KCNK10: variants seen among roughly 807,000 people sequenced by gnomAD.
KCNK10 encodes the protein potassium two pore domain channel subfamily K member 10, also known as potassium channel subfamily K member 10.
A neutral mutation model predicts 47.7 loss-of-function variants in KCNK10; 25 were observed. The observed-to-expected ratio is 0.52, with a 90% CI of 0.38 to 0.73. The LOEUF (loss-of-function observed/expected upper bound fraction) is 0.73. KCNK10 is among the 30% of genes least tolerant of loss of function. The pLI is 0.00. For missense variants in KCNK10, 563 were observed against 714.5 expected (o/e 0.79, Z 2.42); for synonymous variants, 303 against 285.6 (o/e 1.06, Z -0.61).
At chr14:88,269,902 G>A (rs1334619846) in intron 1 of KCNK10, among the ~76,000 whole-genome samples, 1 of 152,110 alleles carries the variant, frequency 6.6e-6, no homozygotes, top group African/African-American at 2.4e-5. Context: ...CACTTAACCC[G>A]AGTGCCTCCA....
In KCNK10 at chr14:88,182,426, C is replaced by T. The variant is rs556801232; in HGVS notation, c.*3109G>A. The T allele has an allele frequency of 6.6e-6, 1 of 152,410 alleles. No homozygotes were observed. The highest frequency in any genetic ancestry group is 2.1e-4 in the South Asian group (1 of 4,830). 9.4% of individuals were successfully genotyped at this position (152,410 alleles called of 1,614,324 possible). On this transcript the variant is annotated 3_prime_UTR_variant, in exon 7 of 7. Transcript: ENST00000319231. ...GTGTATTCTACATGCCATTTGGCCC[C>T]ATCTAAAAAAGGTAACATTCAAGTA...
At chr14:88,282,986 A>G (rs898911631) in intron 1 of KCNK10, among the ~76,000 whole-genome samples, 8 of 152,326 alleles carry the variant, frequency 5.3e-5, no homozygotes, top group African/African-American at 1.9e-4. Flanking sequence ...CACTATGTCA[A>G]ACTGTGGTCT....
chr14:88,233,342 C>A (rs926862573), intron 3 of KCNK10, among the ~76,000 whole-genome samples: 1 of 152,176 alleles, frequency 6.6e-6, no homozygotes, highest in Non-Finnish European at 1.5e-5. Context: ...TGCCTTAGGC[C>A]TGTCTCTTTC....
intron 3 of KCNK10, among the ~76,000 whole-genome samples, chr14:88,230,611 C>T (rs181951677): frequency 1.4e-4 from 22 of 152,218 alleles, no homozygotes; most frequent in East Asian, 1.2e-3. Flanking sequence ...AGTCTGTCTG[C>T]GCAGGCAGGG....
Position 88,309,581 on chromosome 14 carries a change from G to A in KCNK10, c.52+13166C>T, listed in dbSNP as rs1024111221. 9.2e-5 allele frequency among the ~76,000 whole-genome samples: 14 copies of A among 152,234 alleles called. No individual in the cohort carries two copies. The East Asian group carries it at 1.2e-3, about 13-fold the overall frequency. On this transcript the variant is annotated intron_variant, in intron 1 of 6. Transcript: ENST00000319231. ...TGCACCGCTGCACTCCAGCTCGGGC[G>A]ACAAATCAAGATCTTGTCTCAAAAA...
chr14:88,244,935 A>C (rs1421270335), intron 2 of KCNK10, among the ~76,000 whole-genome samples: 1 of 152,258 alleles, frequency 6.6e-6, no homozygotes, highest in Non-Finnish European at 1.5e-5. Flanking sequence ...CAGATAATTC[A>C]ATAGAGGTAG....
intron 3 of KCNK10, among the ~76,000 whole-genome samples, chr14:88,230,511 G>C (rs1886130880): frequency 6.6e-6 from 1 of 152,246 alleles, no homozygotes; most frequent in Non-Finnish European, 1.5e-5. Flanking sequence ...TCCACTTGCT[G>C]TTTACGTGCC....
rs771760885 is a variant in KCNK10, at chr14:88,185,594, G to T, written c.1573C>A (p.Pro525Thr). ...GGCTCCCGGTCTTTGGTGTCCGTGG[G>T]TATCATTCCGTTCTCCAACTCAGCG... The part of the protein sequence containing the change: ...QHAELENGMI[P>T]TDTKDREPEN... The change falls in exon 7 of 7, where the codon CCC (proline) becomes ACC (threonine). Residue 525 changes from proline to threonine, a missense_variant. Transcript: ENST00000319231. The surrounding 1 kb of genome is among the most constrained non-coding windows in gnomAD (Gnocchi z 4.3). The T allele has an allele frequency of 1.2e-6, 2 of 1,614,114 alleles. No individual in the cohort carries two copies. The highest frequency in any genetic ancestry group is 8.5e-7 in the Non-Finnish European group (1 of 1,180,028).
intron 1 of KCNK10, among the ~76,000 whole-genome samples, chr14:88,297,923 T>C (rs1298173871): frequency 6.6e-6 from 1 of 152,202 alleles, no homozygotes; most frequent in Non-Finnish European, 1.5e-5. Flanking sequence ...CTTCTCTTCG[T>C]TCTGCAGTGG....
At chr14:88,214,423 AAC>A (rs1380579637) in intron 4 of KCNK10, among the ~76,000 whole-genome samples, 1 of 152,256 alleles carries the variant, frequency 6.6e-6, no homozygotes, top group Non-Finnish European at 1.5e-5. Flanking sequence ...TGGATGGAAG[AAC>A]AGAGTGGGGA....
intron 4 of KCNK10, among the ~76,000 whole-genome samples, chr14:88,200,366 A>G (rs1054162470): frequency 6.6e-6 from 1 of 152,206 alleles, no homozygotes; most frequent in South Asian, 2.1e-4. Flanking sequence ...TGAGAAAAAA[A>G]TTGGGGTACA....
chr14:88,317,504 TCA>T (rs1888453328), intron 1 of KCNK10, among the ~76,000 whole-genome samples: 1 of 152,150 alleles, frequency 6.6e-6, no homozygotes, highest in Admixed American at 6.5e-5. Flanking sequence ...TCTAAATCTC[TCA>T]GAGAAACCTT....
chr14:88,245,308 C>T (rs1886599939), intron 2 of KCNK10, among the ~76,000 whole-genome samples: 1 of 152,082 alleles, frequency 6.6e-6, no homozygotes. Flanking sequence ...AGATTCTGTG[C>T]CCCTCTTTCT....
chr14:88,297,206 G>T (rs1033403471), intron 1 of KCNK10, among the ~76,000 whole-genome samples: 2 of 152,136 alleles, frequency 1.3e-5, no homozygotes, highest in African/African-American at 4.8e-5. Flanking sequence ...TTATAATGAG[G>T]TTCTATCATT....
chr14:88,204,719 CT>C (rs1178741757), intron 4 of KCNK10, among the ~76,000 whole-genome samples: 4 of 152,052 alleles, frequency 2.6e-5, no homozygotes, highest in Admixed American at 1.3e-4. Context: ...ACTTCAGTGC[CT>C]TTTTCAAGAT....
chr14:88,241,984 G>A (rs184418212), intron 2 of KCNK10, among the ~76,000 whole-genome samples: 7 of 152,316 alleles, frequency 4.6e-5, no homozygotes, highest in African/African-American at 7.2e-5. Context: ...CTGTTCACAC[G>A]GGTGAACTGG....
At chr14:88,244,882 C>T (rs1308772550) in intron 2 of KCNK10, among the ~76,000 whole-genome samples, 1 of 152,124 alleles carries the variant, frequency 6.6e-6, no homozygotes, top group East Asian at 1.9e-4. Context: ...CAACCATTAT[C>T]AAGTTCAGAG....
chr14:88,193,333 T>C (rs1884810178), intron 4 of KCNK10, among the ~76,000 whole-genome samples: 1 of 152,122 alleles, frequency 6.6e-6, no homozygotes, highest in African/African-American at 2.4e-5. Flanking sequence ...GGCAAAGGAA[T>C]CATACCAGTG....
At chr14:88,209,656 C>T (rs576034842) in intron 4 of KCNK10, among the ~76,000 whole-genome samples, 35 of 152,348 alleles carry the variant, frequency 2.3e-4, no homozygotes, top group Non-Finnish European at 4.7e-4. Context: ...TTCTCTCTGT[C>T]GCTACCCTTT....
Sources: allele counts gnomAD v4.1 joint callset (sites outside exome capture counted in the v4.1 genomes callset), GRCh38; gene constraint gnomAD v4.1.1; non-coding constraint Gnocchi (gnomAD v3.1); transcripts MANE v1.5; gene names NCBI Gene and HGNC (gene_info 2026-07-23, HGNC 2026-07-21).